NLGN1: variants seen among roughly 807,000 people sequenced by gnomAD.
NLGN1 encodes neuroligin-1.
In NLGN1, 12 loss-of-function variants were observed where a neutral mutation model predicts 65.5. That is an observed-to-expected ratio of 0.18 (90% CI 0.12 to 0.30). The LOEUF (loss-of-function observed/expected upper bound fraction) is 0.30, where lower values mean the gene tolerates loss of function less well. Ranked by LOEUF, NLGN1 falls within the 10% of genes least tolerant of loss-of-function variation. The pLI is 1.00. For synonymous variants in NLGN1, 350 were observed against 359.5 expected, an observed-to-expected ratio of 0.97 and a Z score of 0.30; for missense variants, 750 against 1,007.1, an observed-to-expected ratio of 0.74 and a Z score of 3.46.
chr3:173,881,063 A>G (rs554251011), intron 4 of NLGN1, among the ~76,000 whole-genome samples: 4 of 149,382 alleles, frequency 2.7e-5, no homozygotes, highest in Non-Finnish European at 4.4e-5. Flanking sequence ...GATTGCAGCA[A>G]TTTAGTCACA....
intron 4 of NLGN1, among the ~76,000 whole-genome samples, chr3:174,218,385 GA>G (rs1738035680): frequency 6.6e-6 from 1 of 151,876 alleles, no homozygotes; most frequent in Non-Finnish European, 1.5e-5. Context: ...GAGATTATCA[GA>G]AAGGGTTGAA....
chr3:174,118,594 AACATCTC>A (rs1717069627), intron 4 of NLGN1, among the ~76,000 whole-genome samples: 1 of 152,186 alleles, frequency 6.6e-6, no homozygotes, highest in Non-Finnish European at 1.5e-5. Flanking sequence ...CTAGTGAGGA[AACATCTC>A]ACCAAAGAAT....
chr3:173,486,926 G>A (rs1728263627), intron 2 of NLGN1, among the ~76,000 whole-genome samples: 1 of 150,442 alleles, frequency 6.6e-6, no homozygotes, highest in Non-Finnish European at 1.5e-5. Context: ...CTTATTTTCT[G>A]ATATATGCAT....
chr3:173,542,451 C>A (rs2149235323), intron 2 of NLGN1, among the ~76,000 whole-genome samples: 1 of 152,104 alleles, frequency 6.6e-6, no homozygotes, highest in East Asian at 1.9e-4. Flanking sequence ...TCATTGCTCA[C>A]CTTTTATGGT....
At chr3:174,250,943 C>T (rs1744666784) in intron 4 of NLGN1, among the ~76,000 whole-genome samples, 2 of 152,068 alleles carry the variant, frequency 1.3e-5, no homozygotes, top group African/African-American at 4.8e-5. Context: ...AATATGACTA[C>T]ACCAGCTTAG....
intron 4 of NLGN1, among the ~76,000 whole-genome samples, chr3:174,183,186 G>A (rs976851700): frequency 3.3e-5 from 5 of 152,056 alleles, no homozygotes; most frequent in African/African-American, 1.2e-4. Context: ...AGGCAACAGT[G>A]CATCCATTCT....
chr3:173,952,673 A>G (rs183512512), intron 4 of NLGN1, among the ~76,000 whole-genome samples: 15 of 152,202 alleles, frequency 9.9e-5, no homozygotes, highest in African/African-American at 2.6e-4. Context: ...AATTACAGAG[A>G]TCCCATATGT....
chr3:173,729,514 A>T (rs74648736), intron 3 of NLGN1, among the ~76,000 whole-genome samples: 2,864 of 152,154 alleles, frequency 0.019, 36 homozygotes, highest in Non-Finnish European at 0.029. Flanking sequence ...TTTAAAATAC[A>T]CACACTTACA....
chr3:173,706,293 C>T (rs902846662), intron 3 of NLGN1, among the ~76,000 whole-genome samples: 21 of 152,146 alleles, frequency 1.4e-4, no homozygotes, highest in African/African-American at 4.8e-4. Context: ...GACTTATTTA[C>T]ACATTTAAAG....
intron 2 of NLGN1, among the ~76,000 whole-genome samples, chr3:173,585,975 C>G (rs572901209): frequency 6.6e-6 from 1 of 152,264 alleles, no homozygotes; most frequent in Non-Finnish European, 1.5e-5. Flanking sequence ...CTAAAAGTTG[C>G]TTTGGAACCC....
Position 173,944,124 on chromosome 3 carries a change from G to GTTGTCTGTGT in NLGN1, c.646+136292_646+136293insTTGTCTGTGT, listed in dbSNP as rs34721217. Among the ~76,000 whole-genome samples, 256 of 139,594 alleles carry GTTGTCTGTGT rather than the reference G, an allele frequency of 1.8e-3. 2 individuals are homozygous for GTTGTCTGTGT. The highest frequency in any genetic ancestry group is 6.7e-3 in the African/African-American group (244 of 36,544). 91.6% of individuals were successfully genotyped at this position (139,594 alleles called of 152,430 possible). A position where few individuals can be genotyped will look rare whatever the true frequency, so the allele number is the denominator to read the frequency against. ...TTTTAAATGTCCAGTTAATATTATG[G>GTTGTCTGTGT]GTGTGTGTGTGTGTGTGTGTGTGTG... is the stretch of plus-strand genomic sequence containing the variant. On this transcript the variant is annotated intron_variant, in intron 4 of 6. Transcript: ENST00000457714.
chr3:173,978,041 AG>A (rs1717907181), intron 4 of NLGN1, among the ~76,000 whole-genome samples: 1 of 152,064 alleles, frequency 6.6e-6, no homozygotes, highest in Non-Finnish European at 1.5e-5. Flanking sequence ...CTTGAAGCCA[AG>A]GGGAGAGAAA....
intron 2 of NLGN1, among the ~76,000 whole-genome samples, chr3:173,516,670 A>T (rs1733866565): frequency 6.6e-6 from 1 of 152,126 alleles, no homozygotes; most frequent in African/African-American, 2.4e-5. Flanking sequence ...AGGTTTCTCA[A>T]CATCACATTC....
At chr3:173,756,635 C>A (rs2150184573) in intron 3 of NLGN1, among the ~76,000 whole-genome samples, 1 of 151,458 alleles carries the variant, frequency 6.6e-6, no homozygotes, top group South Asian at 2.1e-4. Context: ...ATACCATTTC[C>A]CATTAATAGG....
At chr3:174,234,314 A>C (rs1741260312) in intron 4 of NLGN1, among the ~76,000 whole-genome samples, 1 of 152,158 alleles carries the variant, frequency 6.6e-6, no homozygotes, top group Non-Finnish European at 1.5e-5. Context: ...ACGTGTCGGC[A>C]TGCTTTTGGA....
chr3:173,604,561 TCA>T (rs1038394278), exon 3 of NLGN1: 28 of 1,601,850 alleles, frequency 1.7e-5, no homozygotes, highest in Non-Finnish European at 2.0e-5. Flanking sequence ...TACGTTTGCC[TCA>T]CTGTAACCAG....
chr3:173,934,214 C>T (rs1386114261), intron 4 of NLGN1, among the ~76,000 whole-genome samples: 1 of 148,792 alleles, frequency 6.7e-6, no homozygotes, highest in East Asian at 2.0e-4. Context: ...ACACGAATAT[C>T]TAAGTTACAA....
intron 4 of NLGN1, among the ~76,000 whole-genome samples, chr3:174,065,821 A>G (rs757739171): frequency 6.6e-5 from 10 of 151,998 alleles, no homozygotes; most frequent in South Asian, 2.1e-4. Context: ...AACCTTCCCT[A>G]TGGAGAGGCC....
At chr3:173,678,783 A>G (rs867750443) in intron 3 of NLGN1, among the ~76,000 whole-genome samples, 19 of 152,292 alleles carry the variant, frequency 1.2e-4, no homozygotes, top group South Asian at 6.2e-4. Flanking sequence ...AACTGAAAAC[A>G]GAATACTAGT....
Sources: allele counts gnomAD v4.1 joint callset (sites outside exome capture counted in the v4.1 genomes callset), GRCh38; gene constraint gnomAD v4.1.1; transcripts MANE v1.5; gene names NCBI Gene and HGNC (gene_info 2026-07-23, HGNC 2026-07-21).